The following KIAA1217 variants were observed in gnomAD, a reference collection of about 807,000 sequenced individuals.
The protein encoded by KIAA1217 is KIAA1217.
KIAA1217 carries 88 observed loss-of-function variants against 163.9 expected under a neutral mutation model. That is an observed-to-expected ratio of 0.54 (90% CI 0.45 to 0.64). The LOEUF (loss-of-function observed/expected upper bound fraction) is 0.64, where lower values mean the gene tolerates loss of function less well. KIAA1217 is among the 30% of genes least tolerant of loss of function. KIAA1217 has a pLI of 0.00. For missense variants in KIAA1217, 2,372 were observed against 2,475.0 expected, an observed-to-expected ratio of 0.96 and a Z score of 0.88; for synonymous variants, 903 against 923.1, an observed-to-expected ratio of 0.98 and a Z score of 0.39.
At chr10:24,422,348 G>A (rs2058800774) in intron 3 of KIAA1217, among the ~76,000 whole-genome samples, 1 of 152,236 alleles carries the variant, frequency 6.6e-6, no homozygotes. Context: ...TATAATATTT[G>A]ATTTAAACCA....
intron 1 of KIAA1217, among the ~76,000 whole-genome samples, chr10:23,983,638 C>T (rs139732347): frequency 4.1e-4 from 62 of 152,322 alleles, no homozygotes; most frequent in African/African-American, 1.4e-3. Context: ...AACCAGGCCC[C>T]TCTTCCAACA....
At chr10:24,294,638 A>T (rs2079499620) in intron 2 of KIAA1217, among the ~76,000 whole-genome samples, 1 of 152,220 alleles carries the variant, frequency 6.6e-6, no homozygotes. Context: ...TCCACTGTAC[A>T]CTTCAACCAA....
chr10:24,069,936 C>T (rs1204046492), intron 2 of KIAA1217, among the ~76,000 whole-genome samples: 1 of 152,082 alleles, frequency 6.6e-6, no homozygotes, highest in African/African-American at 2.4e-5. Flanking sequence ...AACTCCTGGG[C>T]TCAAGAAATC....
chr10:24,043,835 C>T lies in KIAA1217; in HGVS notation c.-171+36461C>T, dbSNP rs140884717. ...ATTCAAAATGCTGACCTTTTCATGG[C>T]GACCTGTGAGATCATTTTTAAATAG... is the stretch of plus-strand genomic sequence containing the variant. On this transcript the variant is annotated intron_variant, in intron 2 of 18. Transcript: ENST00000376462. Among the ~76,000 whole-genome samples the T allele has an allele frequency of 6.5e-4, 99 of 152,074 alleles. No individual in the cohort carries two copies. The South Asian group carries it at 0.012, about 19-fold the overall frequency.
chr10:24,166,370 C>G lies in KIAA1217; in HGVS notation c.-170-53256C>G, dbSNP rs114474433. On this transcript the variant is annotated intron_variant, in intron 2 of 18. Transcript: ENST00000376462. ...GTTGATTAACGGGTACAAATATACA[C>G]TTAGATAAAAAAAATAAGATCTGGT... Among the ~76,000 whole-genome samples the G allele has an allele frequency of 3.5e-3, 540 of 152,204 alleles. 3 individuals are homozygous for G. The highest frequency in any genetic ancestry group is 0.013 in the African/African-American group (523 of 41,508).
At chr10:24,162,403 T>G (rs1589729666) in intron 2 of KIAA1217, among the ~76,000 whole-genome samples, 1 of 152,320 alleles carries the variant, frequency 6.6e-6, no homozygotes, top group East Asian at 1.9e-4. Flanking sequence ...GAATCGTCCT[T>G]GAGGAGGCGT....
intron 3 of KIAA1217, among the ~76,000 whole-genome samples, chr10:24,428,750 A>T (rs569375674): frequency 5.5e-4 from 83 of 151,972 alleles, no homozygotes; most frequent in African/African-American, 1.8e-3. Context: ...CCTTAGCCCC[A>T]GTTACTTGAG....
At chr10:23,914,782 T>C (rs560143024) in intron 1 of KIAA1217, among the ~76,000 whole-genome samples, 2 of 152,250 alleles carry the variant, frequency 1.3e-5, no homozygotes, top group East Asian at 3.9e-4. Context: ...AATTCTCCTT[T>C]TCAGTTAAGT....
At chr10:23,775,808 A>G (rs1487635737) in intron 1 of KIAA1217, among the ~76,000 whole-genome samples, 2 of 152,116 alleles carry the variant, frequency 1.3e-5, no homozygotes, top group Non-Finnish European at 2.9e-5. Flanking sequence ...TCTTCCTTTG[A>G]TGTAACTGAT....
At chr10:24,250,179 C>A (rs2074307841) in intron 2 of KIAA1217, among the ~76,000 whole-genome samples, 1 of 152,120 alleles carries the variant, frequency 6.6e-6, no homozygotes, top group African/African-American at 2.4e-5. Context: ...TGTTAAGCAA[C>A]CTTCTTCCTG....
rs942819473 is a variant in KIAA1217, at chr10:24,420,797, A to G, written c.554-12198A>G. 4.6e-5 allele frequency among the ~76,000 whole-genome samples: 7 copies of G among 152,138 alleles called. No homozygotes were observed. In the East Asian group the frequency reaches 5.8e-4, roughly 13 times the overall value. On this transcript the variant is annotated intron_variant, in intron 3 of 20. Transcript: ENST00000376454. ...AATAGTCATTTCTCTATGGGTTTGT[A>G]TGACCTCTTCTGTCATATATCAAGC...
intron 1 of KIAA1217, among the ~76,000 whole-genome samples, chr10:23,967,091 C>A (rs1338008976): frequency 6.6e-6 from 1 of 151,410 alleles, no homozygotes; most frequent in Non-Finnish European, 1.5e-5. Flanking sequence ...TATAGAAGAC[C>A]CTCCCCTTTT....
intron 1 of KIAA1217, among the ~76,000 whole-genome samples, chr10:23,939,304 G>A (rs1589114872): frequency 6.6e-6 from 1 of 152,098 alleles, no homozygotes; most frequent in African/African-American, 2.4e-5. Context: ...TTAAAAAGCA[G>A]GGAGTGTTAG....
chr10:24,084,910 CTTTTT>C (rs1197313508), intron 2 of KIAA1217, among the ~76,000 whole-genome samples: 2 of 123,810 alleles, frequency 1.6e-5, no homozygotes, highest in Non-Finnish European at 1.7e-5. Context: ...GCAGAGTTTA[CTTTTT>C]TTTTTTTTTT....
chr10:24,306,649 G>A (rs545017040), intron 2 of KIAA1217, among the ~76,000 whole-genome samples: 18 of 152,270 alleles, frequency 1.2e-4, no homozygotes, highest in African/African-American at 2.6e-4. Context: ...TACACATCAC[G>A]TATGTGCATG....
chr10:24,176,635 C>A (rs1446644410), intron 2 of KIAA1217, among the ~76,000 whole-genome samples: 1 of 152,254 alleles, frequency 6.6e-6, no homozygotes, highest in South Asian at 2.1e-4. Context: ...CTCCAAGTCC[C>A]CACCTGACTC....
At chr10:24,268,077 C>A (rs1029884782) in intron 2 of KIAA1217, among the ~76,000 whole-genome samples, 1 of 152,114 alleles carries the variant, frequency 6.6e-6, no homozygotes, top group African/African-American at 2.4e-5. Context: ...CAGTAAGCTA[C>A]GCGGGCAGGC....
intron 1 of KIAA1217, among the ~76,000 whole-genome samples, chr10:23,758,662 C>T (rs1834058327): frequency 7.3e-6 from 1 of 137,446 alleles, no homozygotes; most frequent in East Asian, 2.1e-4. Flanking sequence ...CCCTCCCTCC[C>T]TCCCCCTTTT....
rs1010928799 is a variant in KIAA1217 at position 24,200,544 on chromosome 10, G to A, written c.-170-19082G>A. On this transcript the variant is annotated intron_variant, in intron 2 of 18. Transcript: ENST00000376462. ...GCCTGCCATACTGCCTGCATCTGGGGTGACCAACTCAACCCAGTTTTCCTG... is the reference window on the plus strand; with the variant it reads ...GCCTGCCATACTGCCTGCATCTGGGATGACCAACTCAACCCAGTTTTCCTG... 3.3e-5 allele frequency among the ~76,000 whole-genome samples: 5 copies of A among 152,126 alleles called. No individual in the cohort carries two copies. In the East Asian group the frequency reaches 9.7e-4, roughly 29 times the overall value.
Sources: gnomAD v4.1 joint callset for allele counts (sites outside exome capture counted in the v4.1 genomes callset) on GRCh38, gnomAD v4.1.1 for gene constraint, MANE v1.5 for transcripts, NCBI Gene and HGNC (gene_info 2026-07-23, HGNC 2026-07-21) for gene names.